Variants in DLG2 observed in about 807,000 individuals in gnomAD.
DLG2 encodes the protein discs large MAGUK scaffold protein 2.
In DLG2, 45 loss-of-function variants were observed where a neutral mutation model predicts 132.5. The observed-to-expected ratio is 0.34, with a 90% CI of 0.27 to 0.44. The LOEUF (loss-of-function observed/expected upper bound fraction) is 0.44. Among genes scored for constraint, DLG2 ranks in the 20% least tolerant of loss-of-function variants. DLG2 has a pLI of 1.00. For missense variants in DLG2, 1,045 were observed against 1,196.9 expected (o/e 0.87, Z 1.87); for synonymous variants, 424 against 419.6 (o/e 1.01, Z -0.13).
At chr11:85,531,178 T>C (rs186268675) in intron 3 of DLG2, among the ~76,000 whole-genome samples, 174 of 152,354 alleles carry the variant, frequency 1.1e-3, no homozygotes, top group African/African-American at 4.0e-3. Flanking sequence ...GAAATCATTA[T>C]AGTGATATCA....
chr11:85,535,654 A>C (rs766624320), intron 3 of DLG2, among the ~76,000 whole-genome samples: 6 of 152,202 alleles, frequency 3.9e-5, no homozygotes, highest in Non-Finnish European at 8.8e-5. Context: ...AGAAATGGAA[A>C]CAGATGTCCA....
intron 7 of DLG2, among the ~76,000 whole-genome samples, chr11:84,337,652 C>T (rs997974338): frequency 2.0e-5 from 3 of 151,998 alleles, no homozygotes; most frequent in Non-Finnish European, 2.9e-5. Flanking sequence ...TAATTTGGTA[C>T]CTCTGACTAG....
At chr11:85,421,028 C>G (rs1029073641) in intron 3 of DLG2, among the ~76,000 whole-genome samples, 1 of 152,182 alleles carries the variant, frequency 6.6e-6, no homozygotes, top group East Asian at 1.9e-4. Flanking sequence ...AAAAAACACT[C>G]CTGCCACTAG....
chr11:83,747,195 C>G (rs1446422506), intron 18 of DLG2, among the ~76,000 whole-genome samples: 1 of 152,106 alleles, frequency 6.6e-6, no homozygotes, highest in Non-Finnish European at 1.5e-5. Context: ...ATGTGGAGAA[C>G]TGTTATGTAG....
chr11:85,378,681 A>G (rs892735157), intron 3 of DLG2, among the ~76,000 whole-genome samples: 33 of 152,164 alleles, frequency 2.2e-4, no homozygotes, highest in Admixed American at 1.0e-3. Flanking sequence ...CCACTTAGGA[A>G]ATAAAATAGA....
chr11:83,943,932 A>C (rs1338359206), intron 14 of DLG2, among the ~76,000 whole-genome samples: 3 of 152,164 alleles, frequency 2.0e-5, no homozygotes, highest in Non-Finnish European at 4.4e-5. Context: ...TTTAAGATCT[A>C]CCTTATAGGA....
intron 6 of DLG2, among the ~76,000 whole-genome samples, chr11:84,705,753 T>C (rs1455170507): frequency 1.3e-5 from 2 of 151,760 alleles, no homozygotes. Context: ...TGGAGTTCAG[T>C]AGAAATTATA....
chr11:85,117,060 G>A (rs1017915317), intron 5 of DLG2, among the ~76,000 whole-genome samples: 1 of 152,012 alleles, frequency 6.6e-6, no homozygotes, highest in East Asian at 1.9e-4. Flanking sequence ...GTTCTTAAGT[G>A]AGAAGTGGCT....
intron 18 of DLG2, among the ~76,000 whole-genome samples, chr11:83,681,306 T>C (rs748025811): frequency 2.6e-5 from 4 of 152,168 alleles, no homozygotes; most frequent in Non-Finnish European, 5.9e-5. Flanking sequence ...TATAGTTAGC[T>C]GACCAGGAGT....
intron 6 of DLG2, among the ~76,000 whole-genome samples, chr11:84,868,266 A>G (rs553087607): frequency 6.6e-6 from 1 of 151,652 alleles, no homozygotes; most frequent in Admixed American, 6.6e-5. Context: ...CAATAAGGCT[A>G]TCAAGTCTCC....
intron 6 of DLG2, among the ~76,000 whole-genome samples, chr11:85,054,428 T>C (rs1487912996): frequency 6.6e-6 from 1 of 152,212 alleles, no homozygotes; most frequent in Non-Finnish European, 1.5e-5. Context: ...CGTGAGAATG[T>C]AAATGAATTC....
At chr11:84,688,648 T>C (rs1432387894) in intron 6 of DLG2, among the ~76,000 whole-genome samples, 2 of 152,298 alleles carry the variant, frequency 1.3e-5, no homozygotes, top group South Asian at 2.1e-4. Context: ...TCAAGGTGTA[T>C]ACTATACACT....
chr11:84,931,028 G>T (rs6592215), intron 6 of DLG2, among the ~76,000 whole-genome samples: 107,797 of 151,918 alleles, frequency 0.71, 39,207 homozygotes, highest in East Asian at 0.95. Context: ...TTATTTAACT[G>T]TCACTTCTCT....
chr11:85,398,230 T>C (rs757856183), intron 3 of DLG2, among the ~76,000 whole-genome samples: 1 of 152,022 alleles, frequency 6.6e-6, no homozygotes, highest in Admixed American at 6.6e-5. Context: ...TTGAAACCAA[T>C]GAGAACAAAG....
intron 4 of DLG2, among the ~76,000 whole-genome samples, chr11:85,264,002 C>T (rs1004335975): frequency 6.6e-6 from 1 of 152,112 alleles, no homozygotes; most frequent in Non-Finnish European, 1.5e-5. Context: ...TTTATAGGGT[C>T]GTGCTGGAGT....
chr11:84,778,309 C>A (rs1252639100), intron 6 of DLG2, among the ~76,000 whole-genome samples: 6 of 151,994 alleles, frequency 3.9e-5, no homozygotes, highest in African/African-American at 1.4e-4. Flanking sequence ...TTCTATTGAT[C>A]CATGTGTCTT....
intron 19 of DLG2, among the ~76,000 whole-genome samples, chr11:83,606,684 T>A (rs557705850): frequency 6.6e-6 from 1 of 150,930 alleles, no homozygotes; most frequent in Admixed American, 6.6e-5. Flanking sequence ...TCCCAGCACT[T>A]TGGGAGGCTG....
At chr11:84,581,323 T>G (rs765184209) in intron 6 of DLG2, among the ~76,000 whole-genome samples, 1 of 152,176 alleles carries the variant, frequency 6.6e-6, no homozygotes, top group Non-Finnish European at 1.5e-5. Flanking sequence ...AGCCAGGCCT[T>G]TCTTAGTAAA....
intron 21 of DLG2, among the ~76,000 whole-genome samples, chr11:83,504,692 A>AATTTG (rs1039077409): frequency 5.9e-5 from 9 of 151,968 alleles, no homozygotes; most frequent in Non-Finnish European, 1.2e-4. Context: ...GGAAGCAAAA[A>AATTTG]ATTTGCTAGT....
Sources: gnomAD v4.1 joint callset for allele counts (sites outside exome capture counted in the v4.1 genomes callset) on GRCh38, gnomAD v4.1.1 for gene constraint, MANE v1.5 for transcripts, NCBI Gene and HGNC (gene_info 2026-07-23, HGNC 2026-07-21) for gene names.